Variants in EHBP1 observed in about 807,000 individuals in gnomAD.
EHBP1 encodes the protein EH domain binding protein 1.
Under a neutral mutation model 144.0 loss-of-function variants are expected in EHBP1, and 55 were observed. The observed-to-expected ratio is 0.38, with a 90% CI of 0.31 to 0.48. EHBP1 has a LOEUF of 0.48. Ranked by LOEUF, EHBP1 falls within the 20% of genes least tolerant of loss-of-function variation. The pLI, the probability that EHBP1 is intolerant of heterozygous loss-of-function variation, is 0.98. For missense variants in EHBP1, 1,200 were observed against 1,364.2 expected (o/e 0.88, Z 1.90); for synonymous variants, 469 against 472.7 (o/e 0.99, Z 0.10).
At chr2:63,007,745 T>C (rs1487962163) in intron 19 of EHBP1, among the ~76,000 whole-genome samples, 1 of 151,802 alleles carries the variant, frequency 6.6e-6, no homozygotes, top group Non-Finnish European at 1.5e-5. Flanking sequence ...AAAAGCGTAT[T>C]GATGATATTC....
chr2:62,800,291 T>C (rs893217296), intron 5 of EHBP1, among the ~76,000 whole-genome samples: 4 of 152,250 alleles, frequency 2.6e-5, no homozygotes, highest in Non-Finnish European at 4.4e-5. Context: ...TCTCTGGCAG[T>C]AGATAACCCA....
intron 10 of EHBP1, among the ~76,000 whole-genome samples, chr2:62,905,976 T>C (rs535504042): frequency 5.3e-5 from 8 of 152,206 alleles, no homozygotes; most frequent in African/African-American, 1.9e-4. Flanking sequence ...ATAAGATTTT[T>C]AATTCACAAG....
chr2:62,972,863 A>T (rs1003127582), intron 14 of EHBP1, among the ~76,000 whole-genome samples: 2 of 152,198 alleles, frequency 1.3e-5, no homozygotes, highest in Admixed American at 6.5e-5. Flanking sequence ...AATGAGGCTA[A>T]ATCTTGCTAC....
At chr2:62,735,680 C>G (rs1307647284) in intron 2 of EHBP1, among the ~76,000 whole-genome samples, 1 of 152,094 alleles carries the variant, frequency 6.6e-6, no homozygotes, top group East Asian at 1.9e-4. Context: ...GTCTAAAGAG[C>G]TCTTTTTAAC....
chr2:62,818,770 C>T (rs1417010729), intron 5 of EHBP1, among the ~76,000 whole-genome samples: 8 of 151,954 alleles, frequency 5.3e-5, no homozygotes, highest in Admixed American at 1.3e-4. Context: ...ATGAAATAAC[C>T]AATTTATAGC....
intron 11 of EHBP1, among the ~76,000 whole-genome samples, chr2:62,943,148 G>A (rs564228499): frequency 1.6e-4 from 25 of 152,180 alleles, no homozygotes; most frequent in African/African-American, 5.3e-4. Flanking sequence ...AGGCCAAGGC[G>A]GGTGGATCAC....
At chr2:63,030,993 C>T (rs1292786452) in intron 19 of EHBP1, among the ~76,000 whole-genome samples, 3 of 151,846 alleles carry the variant, frequency 2.0e-5, no homozygotes, top group Non-Finnish European at 2.9e-5. Context: ...GACAGGGTTT[C>T]ACCATGTTGG....
At chr2:62,988,180 T>G (rs902888205) in intron 15 of EHBP1, 3 of 552,854 alleles carry the variant, frequency 5.4e-6, no homozygotes, top group Admixed American at 7.5e-5. Flanking sequence ...TTAGTCCACC[T>G]TCCATCAATT....
At chr2:63,034,112 A>T (rs2061369903) in intron 19 of EHBP1, among the ~76,000 whole-genome samples, 1 of 152,112 alleles carries the variant, frequency 6.6e-6, no homozygotes, top group East Asian at 1.9e-4. Flanking sequence ...GTAGGAAAAA[A>T]TATTACCAGA....
In EHBP1 at chr2:62,715,469, A is replaced by G. The variant is rs1168730251; in HGVS notation, c.104+8174A>G. ...ATTTCTTTTCTTTTTTTTTTTTGGT[A>G]TTTTAAAAATATATTATTTCTGAAT... On this transcript the variant is annotated intron_variant, in intron 2 of 22. Transcript: ENST00000431489. Among the ~76,000 whole-genome samples the G allele has an allele frequency of 7.4e-5, 11 of 148,948 alleles. No individual in the cohort carries two copies. The South Asian group carries it at 2.3e-3, about 32-fold the overall frequency.
At chr2:62,809,305 A>AC (rs201028469) in intron 5 of EHBP1, among the ~76,000 whole-genome samples, 16,059 of 148,610 alleles carry the variant, frequency 0.11, 1,261 homozygotes, top group Non-Finnish European at 0.16. Flanking sequence ...AAAAAAAAAA[A>AC]AAAAAAAAAA....
At chr2:62,808,278 A>G (rs1458273258) in intron 5 of EHBP1, among the ~76,000 whole-genome samples, 2 of 124,714 alleles carry the variant, frequency 1.6e-5, no homozygotes, top group African/African-American at 3.1e-5. Context: ...CTTCTTCTGT[A>G]GTTGTCCCAC....
chr2:63,038,130 G>C (rs1361876007), intron 20 of EHBP1, among the ~76,000 whole-genome samples: 1 of 152,028 alleles, frequency 6.6e-6, no homozygotes, highest in Non-Finnish European at 1.5e-5. Flanking sequence ...TAGACAAAAT[G>C]TAAGCATTCT....
chr2:62,955,719 G>A, intron 14 of EHBP1, 59 bp downstream of exon 14: 1 of 1,541,384 alleles, frequency 6.5e-7, no homozygotes, highest in South Asian at 1.3e-5. Context: ...GGGGAGGAGG[G>A]AAGTAATTTG....
At chr2:62,787,512 A>T (rs2042900091) in intron 5 of EHBP1, among the ~76,000 whole-genome samples, 1 of 151,198 alleles carries the variant, frequency 6.6e-6, no homozygotes. Flanking sequence ...TGTTTAGAGT[A>T]TTATAACCAC....
At chr2:62,681,330 ATG>A (rs1416624035) in intron 1 of EHBP1, among the ~76,000 whole-genome samples, 4 of 105,478 alleles carry the variant, frequency 3.8e-5, no homozygotes, top group African/African-American at 4.1e-5. Context: ...ATTTGTATGT[ATG>A]TGTGTGTGTA....
intron 10 of EHBP1, among the ~76,000 whole-genome samples, chr2:62,916,973 A>G (rs891182838): frequency 1.3e-5 from 2 of 152,146 alleles, no homozygotes; most frequent in South Asian, 2.1e-4. Context: ...ACACATATAT[A>G]TATATCATGT....
intron 3 of EHBP1, among the ~76,000 whole-genome samples, chr2:62,763,206 C>T (rs1297627719): frequency 2.0e-5 from 3 of 152,224 alleles, no homozygotes; most frequent in East Asian, 3.9e-4. Flanking sequence ...TTCTTACCCC[C>T]AGTTCTTCTT....
chr2:62,715,366 G>A (rs536605535), intron 2 of EHBP1, among the ~76,000 whole-genome samples: 16 of 152,028 alleles, frequency 1.1e-4, no homozygotes, highest in Admixed American at 2.0e-4. Context: ...CGCCTGCTTC[G>A]GCCTCCCAAA....
Sources: allele counts gnomAD v4.1 joint callset (sites outside exome capture counted in the v4.1 genomes callset), GRCh38; gene constraint gnomAD v4.1.1; transcripts MANE v1.5; gene names NCBI Gene and HGNC (gene_info 2026-07-23, HGNC 2026-07-21).